The following SLC14A2 variants were observed in gnomAD, a reference collection of about 807,000 sequenced individuals.
SLC14A2 encodes the protein solute carrier family 14 member 2.
SLC14A2 carries 91 observed loss-of-function variants against 104.6 expected under a neutral mutation model. That is an observed-to-expected ratio of 0.87 (90% CI 0.73 to 1.04). The LOEUF (loss-of-function observed/expected upper bound fraction) is 1.04, where lower values mean the gene tolerates loss of function less well. Among genes scored for constraint, SLC14A2 ranks in the 50% least tolerant of loss-of-function variants. SLC14A2 has a pLI of 0.00. For synonymous variants in SLC14A2, 476 were observed against 466.4 expected (o/e 1.02, Z -0.27); for missense variants, 1,189 against 1,156.0 (o/e 1.03, Z -0.41).
intron 1 of SLC14A2, among the ~76,000 whole-genome samples, chr18:45,357,231 GA>G (rs1235386870): frequency 1.4e-5 from 2 of 141,070 alleles, no homozygotes; most frequent in Non-Finnish European, 3.0e-5. Flanking sequence ...GTGGCCTTGG[GA>G]CACAATTTTT....
At chr18:45,271,918 C>G (rs934290934) in intron 1 of SLC14A2, among the ~76,000 whole-genome samples, 2 of 152,062 alleles carry the variant, frequency 1.3e-5, no homozygotes, top group African/African-American at 4.8e-5. Flanking sequence ...GCTATAGTAT[C>G]CAGAACAGCA....
intron 1 of SLC14A2, among the ~76,000 whole-genome samples, chr18:45,473,927 G>C (rs904993348): frequency 6.6e-6 from 1 of 152,166 alleles, no homozygotes; most frequent in African/African-American, 2.4e-5. Flanking sequence ...GAATAGGAGT[G>C]GTAAGAGAGG....
intron 1 of SLC14A2, among the ~76,000 whole-genome samples, chr18:45,242,435 C>A (rs1420184862): frequency 2.0e-5 from 3 of 152,174 alleles, no homozygotes; most frequent in Non-Finnish European, 2.9e-5. Context: ...AACTCGATTG[C>A]TCCATGTTGC....
chr18:45,251,902 C>T (rs1022666604), intron 1 of SLC14A2, among the ~76,000 whole-genome samples: 2 of 152,168 alleles, frequency 1.3e-5, no homozygotes, highest in Non-Finnish European at 2.9e-5. Flanking sequence ...ACAGCAGCCT[C>T]CAGTTAATGA....
chr18:45,344,545 G>C (rs960327816), intron 1 of SLC14A2, among the ~76,000 whole-genome samples: 1 of 152,188 alleles, frequency 6.6e-6, no homozygotes, highest in African/African-American at 2.4e-5. Context: ...GAGACACTTA[G>C]AGCAGGGTCT....
chr18:45,527,682 C>T (rs1371068560), intron 2 of SLC14A2, among the ~76,000 whole-genome samples: 2 of 152,126 alleles, frequency 1.3e-5, no homozygotes, highest in Non-Finnish European at 2.9e-5. Context: ...TTAGGCAAAT[C>T]GTTTGTTCTA....
intron 10 of SLC14A2, among the ~76,000 whole-genome samples, chr18:45,650,621 C>T (rs2045717172): frequency 6.6e-6 from 1 of 152,208 alleles, no homozygotes; most frequent in Admixed American, 6.5e-5. Flanking sequence ...TCAAGGAATT[C>T]ATTTTATGGG....
At chr18:45,172,276 A>C in the SLC14A2 span, among the ~76,000 whole-genome samples, 1 of 152,132 alleles carries the variant, frequency 6.6e-6, no homozygotes, top group African/African-American at 2.4e-5. Context: ...CCAGTAATTC[A>C]TAAGGTTAAT....
At chr18:45,407,269 G>A (rs1159376617) in intron 1 of SLC14A2, among the ~76,000 whole-genome samples, 3 of 152,146 alleles carry the variant, frequency 2.0e-5, no homozygotes, top group African/African-American at 7.2e-5. Context: ...TAATACTATG[G>A]AGACAGTTTT....
At chr18:45,430,664 C>T (rs1355913573) in intron 1 of SLC14A2, among the ~76,000 whole-genome samples, 1 of 152,088 alleles carries the variant, frequency 6.6e-6, no homozygotes, top group African/African-American at 2.4e-5. Context: ...CAAGCTCCAC[C>T]TCCTGTGTTC....
At chr18:45,406,969 C>T (rs565049130) in intron 1 of SLC14A2, among the ~76,000 whole-genome samples, 1 of 152,192 alleles carries the variant, frequency 6.6e-6, no homozygotes, top group African/African-American at 2.4e-5. Context: ...TTCTTAAGGG[C>T]CCTGGGATTT....
rs748482599 is a variant in SLC14A2, at chr18:45,644,111, C to A, written c.1302C>A (p.Arg434=). 1.2e-6 allele frequency: 2 copies of A among 1,614,242 alleles called. No homozygotes were observed. The highest frequency in any genetic ancestry group is 2.2e-5 in the South Asian group (2 of 91,086). Residue 434 remains arginine (R), a synonymous_variant, in exon 10 of 20, where the codon CGC becomes CGA. Coordinates refer to ENST00000255226, the MANE Select transcript of SLC14A2 (RefSeq NM_007163.4). ...LSKVTYPEAN[R]IYYLTVKSGE... The stretch of plus-strand genomic sequence containing the variant: ...AAGTCACCTACCCCGAGGCCAACCG[C>A]ATCTACTACCTGACAGTGAAAAGCG...
intron 1 of SLC14A2, among the ~76,000 whole-genome samples, chr18:45,217,672 A>G (rs1391348538): frequency 6.6e-6 from 1 of 152,222 alleles, no homozygotes; most frequent in African/African-American, 2.4e-5. Context: ...TAAGATTTAT[A>G]AATTACCTGA....
rs748313210 is a variant in SLC14A2 at position 45,639,759 on chromosome 18, T to C, written c.857T>C (p.Ile286Thr). ...TTAACTTTGCAGCTGTTACAAGCCA[T>C]CCCTGTTGGGGTCGGCCAGGTGTAT... is the stretch of plus-strand genomic sequence containing the variant. ...EMEMPLLLQA[I>T]PVGVGQVYGC... Residue 286 changes from isoleucine to threonine, a missense_variant, in exon 7 of 20, where the codon ATC (isoleucine) becomes ACC (threonine). By Grantham distance (89) the Ile-to-Thr change is moderately conservative. Transcript: ENST00000255226. 5 of 1,613,802 alleles carry C rather than the reference T, an allele frequency of 3.1e-6. No individual in the cohort carries two copies. The highest frequency in any genetic ancestry group is 4.2e-6 in the Non-Finnish European group (5 of 1,179,982).
At chr18:45,511,813 T>A (rs2043369082) in intron 2 of SLC14A2, among the ~76,000 whole-genome samples, 2 of 152,216 alleles carry the variant, frequency 1.3e-5, no homozygotes, top group Non-Finnish European at 2.9e-5. Flanking sequence ...GTACTTTGGA[T>A]GAAGAGTACA....
chr18:45,370,897 G>A (rs1342898868), intron 1 of SLC14A2, among the ~76,000 whole-genome samples: 3 of 152,164 alleles, frequency 2.0e-5, no homozygotes, highest in Admixed American at 6.5e-5. Flanking sequence ...TGTGGGAAAA[G>A]TCTCTTTGCA....
In SLC14A2 at chr18:45,673,371, T is replaced by TG. The variant is rs1482678990; in HGVS notation, c.2378-312_2378-311insG. 2.0e-5 allele frequency among the ~76,000 whole-genome samples: 3 copies of TG among 152,182 alleles called. No individual in the cohort carries two copies. The East Asian group carries it at 5.8e-4, about 29-fold the overall frequency. On this transcript the variant is annotated intron_variant, in intron 17 of 19. Transcript: ENST00000255226. ...TTCGTTCTCCATTAGAGAATTAAGG[T>TG]ATCGATGAAGGAGGAGAGGTTCTCT...
At chr18:45,444,570 C>A (rs181450745) in intron 1 of SLC14A2, among the ~76,000 whole-genome samples, 246 of 152,292 alleles carry the variant, frequency 1.6e-3, no homozygotes, top group South Asian at 0.011. Context: ...TGGATGGAAA[C>A]CTGAACTGGG....
At chr18:45,291,633 C>T (rs963463857) in intron 1 of SLC14A2, among the ~76,000 whole-genome samples, 1 of 152,190 alleles carries the variant, frequency 6.6e-6, no homozygotes, top group African/African-American at 2.4e-5. Flanking sequence ...GCATCAGTCA[C>T]TCTTCAGGAG....
Sources: allele counts gnomAD v4.1 joint callset (sites outside exome capture counted in the v4.1 genomes callset), GRCh38; gene constraint gnomAD v4.1.1; transcripts MANE v1.5; gene names NCBI Gene and HGNC (gene_info 2026-07-23, HGNC 2026-07-21).